The following GRHL2 variants were observed in gnomAD, a reference collection of about 807,000 sequenced individuals.
The protein encoded by GRHL2 is grainyhead like transcription factor 2.
A neutral mutation model predicts 83.8 loss-of-function variants in GRHL2; 21 were observed. The ratio of observed to expected loss-of-function variants is 0.25; its 90% CI spans 0.18 to 0.36. The LOEUF is 0.36. Ranked by LOEUF, GRHL2 falls within the 10% of genes least tolerant of loss-of-function variation. The pLI is 1.00. For missense variants in GRHL2, 623 were observed against 781.8 expected, an observed-to-expected ratio of 0.80 and a Z score of 2.42; for synonymous variants, 280 against 278.9, an observed-to-expected ratio of 1.00 and a Z score of -0.04.
chr8:101,543,515 T>A, intron 2 of GRHL2, 79 bp downstream of exon 2: 1 of 1,359,924 alleles, frequency 7.4e-7, no homozygotes, highest in Non-Finnish European at 1.0e-6. Flanking sequence ...AACAGATTGT[T>A]TGTCCCAGGC....
At chr8:101,677,003 T>A in the GRHL2 span, among the ~76,000 whole-genome samples, 2 of 151,806 alleles carry the variant, frequency 1.3e-5, no homozygotes, top group Non-Finnish European at 2.9e-5. Context: ...TAGGTGGGAA[T>A]TGAACAATGA....
intron 1 of GRHL2, among the ~76,000 whole-genome samples, chr8:101,528,379 G>A (rs1375762877): frequency 6.7e-6 from 1 of 150,250 alleles, no homozygotes; most frequent in African/African-American, 2.4e-5. Flanking sequence ...AGTAGCCTGT[G>A]CTTGTGTTGT....
chr8:101,528,809 T>C (rs1810860427), intron 1 of GRHL2: 1 of 336,586 alleles, frequency 3.0e-6, no homozygotes, highest in Non-Finnish European at 5.7e-6. Context: ...TTTCTGGAGA[T>C]TGAAGAGCCA....
intron 9 of GRHL2, among the ~76,000 whole-genome samples, chr8:101,626,081 A>G (rs1038149022): frequency 2.6e-5 from 4 of 152,080 alleles, no homozygotes; most frequent in Admixed American, 2.6e-4. Context: ...GAGATATTAA[A>G]GTTTAATTTT....
intron 5 of GRHL2, among the ~76,000 whole-genome samples, chr8:101,573,214 C>CAGCT (rs1013462307): frequency 1.6e-4 from 21 of 134,248 alleles, no homozygotes; most frequent in African/African-American, 5.9e-4. Flanking sequence ...TAGTAAGATA[C>CAGCT]AGCTATCTGT....
intron 1 of GRHL2, chr8:101,528,765 C>G (rs1159693306): frequency 3.3e-6 from 1 of 303,748 alleles, no homozygotes; most frequent in African/African-American, 2.3e-5. Context: ...CAAATCAGTC[C>G]TTCCTCCTTT....
At chr8:101,640,331 AT>A (rs1045710752) in intron 12 of GRHL2, among the ~76,000 whole-genome samples, 1 of 152,058 alleles carries the variant, frequency 6.6e-6, no homozygotes, top group Non-Finnish European at 1.5e-5. Context: ...AATCATAGCT[AT>A]TGTTATTGTT....
chr8:101,507,039 C>T (rs1005241156), intron 1 of GRHL2, among the ~76,000 whole-genome samples: 3 of 152,148 alleles, frequency 2.0e-5, no homozygotes, highest in African/African-American at 7.2e-5. Flanking sequence ...CTGGCGTCTA[C>T]CCAAAGTTGT....
chr8:101,655,916 G>T (rs1392539074), intron 14 of GRHL2, among the ~76,000 whole-genome samples: 1 of 152,260 alleles, frequency 6.6e-6, no homozygotes, highest in East Asian at 1.9e-4. Context: ...GTAGCTTCTG[G>T]CTAATCCCCA....
chr8:101,552,352 G>C (rs1357476209), intron 2 of GRHL2, among the ~76,000 whole-genome samples: 1 of 152,128 alleles, frequency 6.6e-6, no homozygotes, highest in Non-Finnish European at 1.5e-5. Context: ...TTATGTTTTT[G>C]TCTGATCAAA....
At chr8:101,654,058 A>T (rs2129722891) in intron 14 of GRHL2, among the ~76,000 whole-genome samples, 1 of 152,172 alleles carries the variant, frequency 6.6e-6, no homozygotes, top group East Asian at 1.9e-4. Flanking sequence ...TTATTTCATA[A>T]CCGCATCGCA....
At chr8:101,674,077 T>G (rs990571560), downstream of GRHL2, among the ~76,000 whole-genome samples, 17 of 152,136 alleles carry the variant, frequency 1.1e-4, no homozygotes, top group African/African-American at 3.1e-4. Context: ...GGGAAATTTA[T>G]AGCACTAAAT....
chr8:101,662,686 C>T (rs912582638), intron 14 of GRHL2, among the ~76,000 whole-genome samples: 4 of 152,146 alleles, frequency 2.6e-5, no homozygotes, highest in African/African-American at 9.7e-5. Flanking sequence ...CCGAATCCAT[C>T]TGTAAACTGT....
chr8:101,607,058 G>A (rs752591699), intron 8 of GRHL2, among the ~76,000 whole-genome samples: 1 of 152,144 alleles, frequency 6.6e-6, no homozygotes, highest in Non-Finnish European at 1.5e-5. Context: ...CCAAATCATG[G>A]CAAATCCATC....
intron 3 of GRHL2, among the ~76,000 whole-genome samples, chr8:101,557,796 G>A (rs1811518397): frequency 6.6e-6 from 1 of 152,116 alleles, no homozygotes; most frequent in Non-Finnish European, 1.5e-5. Flanking sequence ...TGTTGTTTAA[G>A]TCATTCTTTG....
intron 3 of GRHL2, among the ~76,000 whole-genome samples, chr8:101,557,543 G>A (rs974212057): frequency 6.6e-6 from 1 of 151,990 alleles, no homozygotes; most frequent in Middle Eastern, 3.4e-3. Context: ...CCTTAATATC[G>A]CCAAATCCCA....
chr8:101,495,590 A>G (rs1050471151), intron 1 of GRHL2, among the ~76,000 whole-genome samples: 1 of 152,242 alleles, frequency 6.6e-6, no homozygotes, highest in Non-Finnish European at 1.5e-5. Flanking sequence ...GCCAAAATGT[A>G]TAAAATATAT....
At chr8:101,678,774 C>A in the GRHL2 span, among the ~76,000 whole-genome samples, 1 of 151,784 alleles carries the variant, frequency 6.6e-6, no homozygotes, top group Non-Finnish European at 1.5e-5. Flanking sequence ...GTCCTTGACC[C>A]CCAAGCAGCC....
intron 1 of GRHL2, chr8:101,529,181 A>G: frequency 3.7e-6 from 1 of 272,648 alleles, no homozygotes; most frequent in South Asian, 3.6e-5. Flanking sequence ...ATATGCCTGG[A>G]GCCAGCACTT....
Sources: gnomAD v4.1 joint callset for allele counts (sites outside exome capture counted in the v4.1 genomes callset) on GRCh38, gnomAD v4.1.1 for gene constraint, MANE v1.5 for transcripts, NCBI Gene and HGNC (gene_info 2026-07-23, HGNC 2026-07-21) for gene names.